The following NR1H4 variants were observed in gnomAD, a reference collection of about 807,000 sequenced individuals.
The protein encoded by NR1H4 is nuclear receptor subfamily 1 group H member 4.
A neutral mutation model predicts 58.5 loss-of-function variants in NR1H4; 23 were observed. That is an observed-to-expected ratio of 0.39 (90% CI 0.28 to 0.56). NR1H4 has a LOEUF of 0.56. Ranked by LOEUF, NR1H4 falls within the 20% of genes least tolerant of loss-of-function variation. The pLI, the probability that NR1H4 is intolerant of heterozygous loss-of-function variation, is 0.58. For missense variants in NR1H4, 487 were observed against 576.9 expected, an observed-to-expected ratio of 0.84 and a Z score of 1.60; for synonymous variants, 214 against 198.0, an observed-to-expected ratio of 1.08 and a Z score of -0.68.
intron 3 of NR1H4, among the ~76,000 whole-genome samples, chr12:100,496,981 A>C (rs986878065): frequency 9.2e-5 from 14 of 152,190 alleles, no homozygotes; most frequent in African/African-American, 3.4e-4. Context: ...AGCAGAGCCC[A>C]AATGAGGACT....
In NR1H4 at chr12:100,563,481, G is replaced by C. The variant is rs1379318425; in HGVS notation, c.1423G>C (p.Val475Leu). 6.2e-7 allele frequency: 1 copy of C among 1,612,592 alleles called. No homozygotes were observed. The highest frequency in any genetic ancestry group is 2.2e-5 in the East Asian group (1 of 44,870). ...FTPLLCEIWDVQ is the reference protein window; with the variant it reads ...FTPLLCEIWDLQ ...CCCACTTCTCTGTGAAATCTGGGACGTGCAGTGATGGGGATTACAGGGGAG... is the reference window on the plus strand; with the variant it reads ...CCCACTTCTCTGTGAAATCTGGGACCTGCAGTGATGGGGATTACAGGGGAG... Residue 475 changes from valine (V) to leucine (L), a missense_variant, in exon 11 of 11, where the codon GTG becomes CTG. Physicochemically the swap from Val to Leu is conservative, Grantham distance 32. Coordinates refer to ENST00000392986, the MANE Select transcript of NR1H4 (RefSeq NM_001206979.2).
At chr12:100,547,553 G>A (rs1426148654) in intron 9 of NR1H4, among the ~76,000 whole-genome samples, 1 of 152,096 alleles carries the variant, frequency 6.6e-6, no homozygotes, top group Non-Finnish European at 1.5e-5. Context: ...GGCAAGTGGT[G>A]TGGTTCTAGC....
At chr12:100,500,972 CAGGAAAAAATATTTTTTTA>C (rs1449021660) in intron 3 of NR1H4, among the ~76,000 whole-genome samples, 1 of 151,904 alleles carries the variant, frequency 6.6e-6, no homozygotes, top group Non-Finnish European at 1.5e-5. Context: ...CAGAGATATT[CAGGAAAAAATATTTTTTTA>C]GGGAAAAAAT....
intron 6 of NR1H4, among the ~76,000 whole-genome samples, chr12:100,535,288 G>A (rs1461967654): frequency 6.6e-6 from 1 of 152,202 alleles, no homozygotes; most frequent in Non-Finnish European, 1.5e-5. Context: ...ATGATTTGGT[G>A]TATAAAATGG....
chr12:100,493,132 T>C (rs959102840), intron 2 of NR1H4, 138 bp from the exon 3 acceptor site: 9 of 584,672 alleles, frequency 1.5e-5, no homozygotes, highest in Non-Finnish European at 2.4e-5. Context: ...AAAAGATACA[T>C]ACAGAAAGGC....
chr12:100,559,493 T>C (rs953385795), intron 9 of NR1H4, among the ~76,000 whole-genome samples: 12 of 152,178 alleles, frequency 7.9e-5, no homozygotes, highest in Non-Finnish European at 1.8e-4. Flanking sequence ...CCAGCCCTGC[T>C]GGCCCCGGGT....
At position 100,563,358 on chromosome 12, in the gene NR1H4, T is replaced by G. The variant is rs1305902199; in HGVS notation, c.1300T>G (p.Phe434Val). The change falls in exon 11 of 11, where the codon TTT becomes GTT. Residue 434 changes from phenylalanine to valine, a missense_variant. By Grantham distance (50) the Phe-to-Val change is conservative. Transcript: ENST00000392986. ...TCACCAGCCTGAAAATCCTCAACAC[T>G]TTGCCTGTCTCCTGGGTCGCCTGAC... ...KIHQPENPQH[F>V]ACLLGRLTEL... 1 of 1,613,990 alleles carries G rather than the reference T, an allele frequency of 6.2e-7. No homozygotes were observed. Among genetic ancestry groups the G allele is most frequent in the Admixed American group, 1.7e-5 (1 of 59,978 alleles).
intron 4 of NR1H4, among the ~76,000 whole-genome samples, chr12:100,517,445 A>T (rs1954297090): frequency 6.6e-6 from 1 of 152,208 alleles, no homozygotes; most frequent in South Asian, 2.1e-4. Context: ...ATGAACGCTT[A>T]GGTTGATCCC....
At chr12:100,523,240 G>A (rs888257684) in intron 4 of NR1H4, among the ~76,000 whole-genome samples, 3 of 152,030 alleles carry the variant, frequency 2.0e-5, no homozygotes, top group Admixed American at 2.0e-4. Context: ...TTTTAAAAAT[G>A]GGCATTCTTG....
intron 5 of NR1H4, 54 bp from the exon 6 acceptor site, chr12:100,534,836 A>G: frequency 4.3e-6 from 7 of 1,610,174 alleles, no homozygotes; most frequent in Non-Finnish European, 5.9e-6. Context: ...TTATGACCAC[A>G]CACCCAACAG....
chr12:100,499,052 T>G (rs552666902), intron 3 of NR1H4, among the ~76,000 whole-genome samples: 27 of 152,306 alleles, frequency 1.8e-4, no homozygotes, highest in African/African-American at 6.3e-4. Context: ...CTCCTCAGCC[T>G]CTTCATGCTT....
At chr12:100,527,002 A>G (rs1954574519) in intron 4 of NR1H4, among the ~76,000 whole-genome samples, 1 of 152,236 alleles carries the variant, frequency 6.6e-6, no homozygotes. Context: ...TGAAAAAGCA[A>G]TAGAAGCAAG....
At chr12:100,552,422 G>A (rs969716911) in intron 9 of NR1H4, among the ~76,000 whole-genome samples, 2 of 152,158 alleles carry the variant, frequency 1.3e-5, no homozygotes, top group African/African-American at 4.8e-5. Flanking sequence ...TTTAGCAGTT[G>A]AAATAGAGGA....
intron 9 of NR1H4, 110 bp downstream of exon 9, chr12:100,540,928 C>A: frequency 1.9e-6 from 2 of 1,030,288 alleles, no homozygotes; most frequent in Non-Finnish European, 3.0e-6. Flanking sequence ...GCCTGTTGTG[C>A]CTAGCATGAA....
intron 5 of NR1H4, 130 bp downstream of exon 5, chr12:100,532,740 G>A (rs1279045714): frequency 1.3e-6 from 1 of 781,802 alleles, no homozygotes. Flanking sequence ...TCTTGAAAAG[G>A]GTAATGAACC....
intron 9 of NR1H4, among the ~76,000 whole-genome samples, chr12:100,555,747 A>C (rs562664015): frequency 2.6e-5 from 4 of 152,322 alleles, no homozygotes; most frequent in African/African-American, 9.6e-5. Flanking sequence ...TGAAGTCTTA[A>C]AAAATTTAAG....
At chr12:100,508,828 A>C (rs1263286536) in intron 3 of NR1H4, among the ~76,000 whole-genome samples, 2 of 152,192 alleles carry the variant, frequency 1.3e-5, no homozygotes, top group Non-Finnish European at 2.9e-5. Flanking sequence ...GTTTTTCTAA[A>C]AGTTTGGCAC....
chr12:100,505,175 G>T (rs577629957), intron 3 of NR1H4, among the ~76,000 whole-genome samples: 1 of 152,238 alleles, frequency 6.6e-6, no homozygotes, highest in Non-Finnish European at 1.5e-5. Context: ...GGTCAGCATT[G>T]TGCCAGGAAT....
intron 3 of NR1H4, among the ~76,000 whole-genome samples, chr12:100,495,767 G>C (rs1953702225): frequency 6.6e-6 from 1 of 151,936 alleles, no homozygotes; most frequent in Admixed American, 6.6e-5. Flanking sequence ...TGAGCTAAAG[G>C]TATGCCAAAG....
Sources: allele counts gnomAD v4.1 joint callset (sites outside exome capture counted in the v4.1 genomes callset), GRCh38; gene constraint gnomAD v4.1.1; transcripts MANE v1.5; gene names NCBI Gene and HGNC (gene_info 2026-07-23, HGNC 2026-07-21).